The following AGBL1 variants were observed in gnomAD, a reference collection of about 807,000 sequenced individuals.
AGBL1 encodes the protein AGBL carboxypeptidase 1.
AGBL1 carries 130 observed loss-of-function variants against 118.9 expected under a neutral mutation model. The ratio of observed to expected loss-of-function variants is 1.09; its 90% CI spans 0.95 to 1.26. The LOEUF is 1.26. AGBL1 is among the 50% of genes most tolerant of loss of function. The pLI, the probability that AGBL1 is intolerant of heterozygous loss-of-function variation, is 0.00. For missense variants in AGBL1, 1,584 were observed against 1,298.1 expected (o/e 1.22, Z -3.38); for synonymous variants, 555 against 478.9 (o/e 1.16, Z -2.08).
chr15:86,612,796 C>T (rs1049807887), intron 21 of AGBL1, among the ~76,000 whole-genome samples: 5 of 152,170 alleles, frequency 3.3e-5, no homozygotes, highest in Non-Finnish European at 5.9e-5. Flanking sequence ...ACCATCCATT[C>T]TCTCTGAAGC....
chr15:86,944,705 A>G (rs1344267105), intron 23 of AGBL1, among the ~76,000 whole-genome samples: 1 of 152,212 alleles, frequency 6.6e-6, no homozygotes, highest in Non-Finnish European at 1.5e-5. Context: ...GCAAATTTTT[A>G]ATACCTTCAA....
rs144386333 is a variant in AGBL1 at position 86,858,966 on chromosome 15, A to G, written c.3159-48121A>G. Among the ~76,000 whole-genome samples, 1,301 of 152,274 alleles carry G rather than the reference A, an allele frequency of 8.5e-3. 14 individuals are homozygous for G. The highest frequency in any genetic ancestry group is 0.03 in the African/African-American group (1,251 of 41,558). On this transcript the variant is annotated intron_variant, in intron 22 of 22. Coordinates refer to ENST00000614907, the MANE Select transcript of AGBL1 (RefSeq NM_001386094.1). ...CTTATGGAGAAGAATTAGAACCTCA[A>G]AAAAGGCTACTTACCTTTCCTAAGC...
chr15:86,758,236 C>T (rs530214537), intron 22 of AGBL1, among the ~76,000 whole-genome samples: 2 of 152,070 alleles, frequency 1.3e-5, no homozygotes, highest in Non-Finnish European at 2.9e-5. Flanking sequence ...GCCTTCCTTT[C>T]ATTTCCTAAA....
intron 19 of AGBL1, among the ~76,000 whole-genome samples, chr15:86,524,773 G>C (rs1387947115): frequency 6.6e-6 from 1 of 152,138 alleles, no homozygotes; most frequent in Non-Finnish European, 1.5e-5. Flanking sequence ...AGTCATTCAA[G>C]GGACAGATCT....
At chr15:86,295,543 C>A (rs1005610508) in intron 17 of AGBL1, 135 bp downstream of exon 17, 11 of 850,076 alleles carry the variant, frequency 1.3e-5, no homozygotes, top group Middle Eastern at 6.1e-4. Context: ...AAATACACCC[C>A]CAGCTTTTCT....
chr15:86,303,595 A>G (rs1257031619), intron 17 of AGBL1, among the ~76,000 whole-genome samples: 1 of 152,206 alleles, frequency 6.6e-6, no homozygotes, highest in East Asian at 1.9e-4. Context: ...AAGGCTAAAT[A>G]TAATTATACA....
intron 18 of AGBL1, among the ~76,000 whole-genome samples, chr15:86,513,609 C>CTGAT (rs1456201661): frequency 6.6e-6 from 1 of 151,978 alleles, no homozygotes; most frequent in African/African-American, 2.4e-5. Flanking sequence ...AGCTACATTG[C>CTGAT]TGATTGTTGC....
chr15:86,853,609 C>T (rs1223549063), intron 22 of AGBL1, among the ~76,000 whole-genome samples: 1 of 152,154 alleles, frequency 6.6e-6, no homozygotes, highest in Non-Finnish European at 1.5e-5. Context: ...ACTTGGCTGC[C>T]TTTATTTTTC....
intron 22 of AGBL1, among the ~76,000 whole-genome samples, chr15:86,727,574 T>C (rs568901066): frequency 6.6e-5 from 10 of 152,316 alleles, no homozygotes; most frequent in Admixed American, 1.3e-4. Flanking sequence ...ACTAAATTGC[T>C]TTCAGCTTCA....
chr15:86,737,081 A>G (rs2077612747), intron 22 of AGBL1, among the ~76,000 whole-genome samples: 1 of 152,188 alleles, frequency 6.6e-6, no homozygotes, highest in African/African-American at 2.4e-5. Context: ...TGTGTTTGTG[A>G]CACATACCTT....
At chr15:86,630,678 C>G (rs946168373) in intron 21 of AGBL1, 5 of 152,246 alleles carry the variant, frequency 3.3e-5, no homozygotes, top group Non-Finnish European at 7.3e-5. Context: ...ATTTAACCTT[C>G]TGTCTTCTGT....
chr15:86,444,086 T>C (rs2082094757), intron 18 of AGBL1, among the ~76,000 whole-genome samples: 1 of 152,178 alleles, frequency 6.6e-6, no homozygotes, highest in Non-Finnish European at 1.5e-5. Flanking sequence ...GTACCAGCAT[T>C]CCCCTTTCTC....
At chr15:86,523,659 A>G (rs992938240) in intron 19 of AGBL1, among the ~76,000 whole-genome samples, 2 of 151,652 alleles carry the variant, frequency 1.3e-5, no homozygotes, top group African/African-American at 4.9e-5. Context: ...TACCTATTAA[A>G]TAGTGTTTGG....
chr15:86,680,851 G>A (rs562231210), intron 22 of AGBL1, among the ~76,000 whole-genome samples: 1 of 152,056 alleles, frequency 6.6e-6, no homozygotes, highest in Admixed American at 6.5e-5. Flanking sequence ...ACAGGCGTGA[G>A]CCACTGCACC....
chr15:87,008,965 T>C (rs1268376213), intron 24 of AGBL1, among the ~76,000 whole-genome samples: 2 of 152,142 alleles, frequency 1.3e-5, no homozygotes, highest in Non-Finnish European at 2.9e-5. Flanking sequence ...AAACAGAGCA[T>C]AAAAGTTTGG....
intron 17 of AGBL1, among the ~76,000 whole-genome samples, chr15:86,345,945 T>C (rs2080529683): frequency 6.6e-6 from 1 of 152,078 alleles, no homozygotes; most frequent in Non-Finnish European, 1.5e-5. Flanking sequence ...ATTTCTTTCA[T>C]CAATTCTCTC....
rs1567242882 is a variant in AGBL1 at position 86,925,151 on chromosome 15, AGGAGGAGGAGGAGGAG to A, written c.3222-62834_3222-62819del. On this transcript the variant is annotated intron_variant, in intron 23 of 24. Transcript: ENST00000441037. ...GAGGAAGAGGAAGAGGAAGAGGAGG[AGGAGGAGGAGGAGGAG>A]GAAGAGGAAGAGGAAGAGGAAGAAA... 1.3e-4 allele frequency among the ~76,000 whole-genome samples: 16 copies of A among 121,848 alleles called. 1 individual carries two copies. The highest frequency in any genetic ancestry group is 2.1e-4 in the East Asian group (1 of 4,694). 79.9% of individuals were successfully genotyped at this position (121,848 alleles called of 152,430 possible). A position where few individuals can be genotyped will look rare whatever the true frequency, so the allele number is the denominator to read the frequency against.
chr15:86,437,669 C>G (rs6496327), intron 18 of AGBL1, among the ~76,000 whole-genome samples: 1 of 152,038 alleles, frequency 6.6e-6, no homozygotes, highest in South Asian at 2.1e-4. Flanking sequence ...TCATCTAACA[C>G]GGAGTGAGCA....
In AGBL1 at chr15:86,909,636, C is replaced by G. The variant is rs988987601; in HGVS notation, c.*2342C>G. 6.6e-6 allele frequency: 1 copy of G among 152,004 alleles called. No homozygotes were observed. The highest frequency in any genetic ancestry group is 2.4e-5 in the African/African-American group (1 of 41,388). 9.4% of individuals were successfully genotyped at this position (152,004 alleles called of 1,614,324 possible). ...TTAGCAAAGATAATGAAAGTGAAAC[C>G]CAAACGCTATATAGCTCTTAACTCC... On this transcript the variant is annotated 3_prime_UTR_variant, in exon 23 of 23. Transcript: ENST00000614907.
Sources: gnomAD v4.1 joint callset for allele counts (sites outside exome capture counted in the v4.1 genomes callset) on GRCh38, gnomAD v4.1.1 for gene constraint, MANE v1.5 for transcripts, NCBI Gene and HGNC (gene_info 2026-07-23, HGNC 2026-07-21) for gene names.